Variants in UCK2 observed in about 807,000 individuals in gnomAD.
UCK2 encodes uridine-cytidine kinase 2, also known as cytidine monophosphokinase 2.
Under a neutral mutation model 30.8 loss-of-function variants are expected in UCK2, and 6 were observed. The ratio of observed to expected loss-of-function variants is 0.19; its 90% confidence interval spans 0.11 to 0.38. The LOEUF (loss-of-function observed/expected upper bound fraction) is 0.38, where lower values mean the gene tolerates loss of function less well. Among genes scored for constraint, UCK2 ranks in the 10% least tolerant of loss-of-function variants. UCK2 has a pLI of 1.00. For synonymous variants in UCK2, 125 were observed against 133.6 expected (o/e 0.94, Z 0.45); for missense variants, 210 against 339.8 (o/e 0.62, Z 3.00).
intron 4 of UCK2, among the ~76,000 whole-genome samples, chr1:165,901,761 G>C (rs1308485636): frequency 6.6e-6 from 1 of 152,090 alleles, no homozygotes; most frequent in Non-Finnish European, 1.5e-5. Context: ...GGGAAACTAA[G>C]GCTCATGTAC....
intron 4 of UCK2, 71 bp from the exon 5 acceptor site, chr1:165,903,111 C>T (rs1305135208): frequency 3.9e-5 from 47 of 1,191,936 alleles, no homozygotes; most frequent in Non-Finnish European, 1.3e-5. Flanking sequence ...GAGCTAGGTC[C>T]ACCCCATGAA....
rs969934550 is a variant in UCK2, at chr1:165,908,287, G to A, written c.*464G>A. ...GTGAGAGACAGGGAGGGTGGCTAAG[G>A]TCCAGTTGCTTTTGAGTGCCCCGTG... On this transcript the variant is annotated 3_prime_UTR_variant, in exon 7 of 7. Coordinates refer to ENST00000367879, the MANE Select transcript of UCK2 (RefSeq NM_012474.5). 6.5e-6 allele frequency: 1 copy of A among 153,600 alleles called. No homozygotes were observed. Among genetic ancestry groups the A allele is most frequent in the South Asian group, 2.0e-4 (1 of 4,926 alleles). 9.5% of individuals were successfully genotyped at this position (153,600 alleles called of 1,614,324 possible).
At chr1:165,886,099 GACTTTGCATAGTGCATTTC>G (rs960086059) in intron 1 of UCK2, among the ~76,000 whole-genome samples, 58 of 152,074 alleles carry the variant, frequency 3.8e-4, no homozygotes, top group Non-Finnish European at 7.1e-4. Context: ...CTATGAATTT[GACTTTGCATAGTGCATTTC>G]ACTTTGCATA....
At chr1:165,889,060 C>T (rs895505689) in intron 1 of UCK2, among the ~76,000 whole-genome samples, 18 of 152,122 alleles carry the variant, frequency 1.2e-4, no homozygotes, top group Non-Finnish European at 2.2e-4. Flanking sequence ...CAACAACACA[C>T]AAAGCATGTA....
intron 1 of UCK2, among the ~76,000 whole-genome samples, chr1:165,884,348 G>C (rs1466056101): frequency 6.6e-6 from 1 of 152,228 alleles, no homozygotes; most frequent in East Asian, 1.9e-4. Context: ...CCCTCCCTGT[G>C]ATTCTGAAGC....
chr1:165,855,495 C>T (rs1057198620), intron 1 of UCK2, among the ~76,000 whole-genome samples: 1 of 151,758 alleles, frequency 6.6e-6, no homozygotes, highest in African/African-American at 2.4e-5. Flanking sequence ...CGGTCACTTC[C>T]CAGTTTTTTC....
chr1:165,839,158 C>CT (rs566527422), intron 1 of UCK2, among the ~76,000 whole-genome samples: 13 of 151,006 alleles, frequency 8.6e-5, no homozygotes, highest in Non-Finnish European at 1.6e-4. Flanking sequence ...TAACTCAATG[C>CT]TTTTTTTTTG....
At chr1:165,880,150 G>C (rs1655447492) in intron 1 of UCK2, among the ~76,000 whole-genome samples, 2 of 152,204 alleles carry the variant, frequency 1.3e-5, no homozygotes, top group African/African-American at 4.8e-5. Flanking sequence ...ATTCGGCAGA[G>C]GATCCAACTG....
At chr1:165,876,536 A>C (rs1460368062) in intron 1 of UCK2, among the ~76,000 whole-genome samples, 1 of 152,244 alleles carries the variant, frequency 6.6e-6, no homozygotes, top group Non-Finnish European at 1.5e-5. Flanking sequence ...ATCCTCTGTA[A>C]GGAGATAAAA....
At position 165,840,910 on chromosome 1, in the gene UCK2, G is replaced by A. The variant is rs141949928; in HGVS notation, c.99+12978G>A. 1.2e-4 allele frequency among the ~76,000 whole-genome samples: 18 copies of A among 152,038 alleles called. No individual in the cohort carries two copies. The East Asian group carries it at 3.1e-3, about 26-fold the overall frequency. ...CAAAATGTATAAATTCTAAAAGCAC[G>A]GTTCAATGAATTATCATATGGTGAA... is the stretch of plus-strand genomic sequence containing the variant. On this transcript the variant is annotated intron_variant, in intron 1 of 6. Transcript: ENST00000367879.
At chr1:165,899,769 C>T (rs890482675) in intron 4 of UCK2, among the ~76,000 whole-genome samples, 14 of 152,294 alleles carry the variant, frequency 9.2e-5, no homozygotes, top group African/African-American at 2.2e-4. Context: ...CAGTCCTTGG[C>T]GCGGCCCTGT....
At chr1:165,834,390 G>A (rs2101848188) in intron 1 of UCK2, among the ~76,000 whole-genome samples, 1 of 152,248 alleles carries the variant, frequency 6.6e-6, no homozygotes, top group East Asian at 1.9e-4. Context: ...CCTGAGCCTT[G>A]GGAGGTTGAG....
intron 1 of UCK2, among the ~76,000 whole-genome samples, chr1:165,861,745 G>C (rs930902660): frequency 2.0e-5 from 3 of 149,828 alleles, no homozygotes; most frequent in African/African-American, 7.4e-5. Context: ...CCATTTTACA[G>C]ATGAAGGAAC....
At chr1:165,885,098 A>G (rs1655585915) in intron 1 of UCK2, 1 of 330,222 alleles carries the variant, frequency 3.0e-6, no homozygotes, top group African/African-American at 2.1e-5. Context: ...TATATTTCTC[A>G]TCAGTTCCCT....
intron 1 of UCK2, among the ~76,000 whole-genome samples, chr1:165,861,541 T>G (rs1408861568): frequency 7.8e-6 from 1 of 129,024 alleles, no homozygotes; most frequent in East Asian, 2.3e-4. Context: ...GGCAGGAGAA[T>G]GGCGTGAACC....
chr1:165,876,594 A>T (rs546987700), intron 1 of UCK2, among the ~76,000 whole-genome samples: 6 of 152,228 alleles, frequency 3.9e-5, no homozygotes, highest in African/African-American at 1.4e-4. Context: ...AAGAAAGTAC[A>T]TCCTCTGTGA....
rs200806577 is a variant in UCK2, at chr1:165,856,354, A to G, written c.99+28422A>G. On this transcript the variant is annotated intron_variant, in intron 1 of 6. Transcript: ENST00000367879. ...GTCTGATACATTAATTTATTCAGCA[A>G]ACATTACGTGCCTGTTGTATCCCCA... 6.4e-4 allele frequency among the ~76,000 whole-genome samples: 97 copies of G among 152,100 alleles called. No homozygotes were observed. The East Asian group carries it at 9.8e-3, about 15-fold the overall frequency.
rs1278357389 is a variant in UCK2, at chr1:165,867,580, C to T, written c.100-22624C>T. 2.0e-5 allele frequency among the ~76,000 whole-genome samples: 3 copies of T among 152,228 alleles called. No homozygotes were observed. The East Asian group carries it at 5.8e-4, about 29-fold the overall frequency. On this transcript the variant is annotated intron_variant, in intron 1 of 6. Coordinates refer to ENST00000367879, the MANE Select transcript of UCK2 (RefSeq NM_012474.5). Reference sequence around the variant, plus strand: ...TCAACAATGCCCACAGCATTTTCAGCATTAGATTCCATCTCAAGAAACTAC... The same window carrying T: ...TCAACAATGCCCACAGCATTTTCAGTATTAGATTCCATCTCAAGAAACTAC...
intron 3 of UCK2, 73 bp from the exon 4 acceptor site, chr1:165,896,117 G>A: frequency 6.3e-7 from 1 of 1,589,426 alleles, no homozygotes; most frequent in Non-Finnish European, 8.6e-7. Flanking sequence ...CCAGCCAGAT[G>A]TTCTGGCCCT....
Sources: allele counts gnomAD v4.1 joint callset (sites outside exome capture counted in the v4.1 genomes callset), GRCh38; gene constraint gnomAD v4.1.1; transcripts MANE v1.5; gene names NCBI Gene and HGNC (gene_info 2026-07-23, HGNC 2026-07-21).